The following TTC28 variants were observed in gnomAD, a reference collection of about 807,000 sequenced individuals.
TTC28 encodes tetratricopeptide repeat protein 28.
Under a neutral mutation model 198.0 loss-of-function variants are expected in TTC28, and 61 were observed. That is an observed-to-expected ratio of 0.31 (90% confidence interval 0.25 to 0.38). TTC28 has a LOEUF of 0.38. Among genes scored for constraint, TTC28 ranks in the 10% least tolerant of loss-of-function variants. The probability of loss-of-function intolerance (pLI) is 1.00; values close to 1 mark genes in which losing one functional copy is unlikely to be tolerated. For synonymous variants in TTC28, 1,171 were observed against 1,297.8 expected, an observed-to-expected ratio of 0.90 and a Z score of 2.10; for missense variants, 2,678 against 3,164.0, an observed-to-expected ratio of 0.85 and a Z score of 3.69.
chr22:28,042,212 C>G (rs906341395), intron 12 of TTC28, among the ~76,000 whole-genome samples: 4 of 150,936 alleles, frequency 2.7e-5, no homozygotes, highest in African/African-American at 9.9e-5. Context: ...CCGTTTGACC[C>G]AGCCATCCCA....
At chr22:28,098,303 TAGTC>T (rs1032184087) in intron 10 of TTC28, among the ~76,000 whole-genome samples, 2 of 152,166 alleles carry the variant, frequency 1.3e-5, no homozygotes, top group South Asian at 2.1e-4. Context: ...TACTTCCTCT[TAGTC>T]AGATGCTTGA....
At chr22:28,400,959 C>A (rs546064323) in intron 2 of TTC28, among the ~76,000 whole-genome samples, 2 of 152,216 alleles carry the variant, frequency 1.3e-5, no homozygotes, top group African/African-American at 4.8e-5. Context: ...TCACTGAATA[C>A]TAAAAAGGCA....
At chr22:28,485,627 G>GA (rs1323025730) in intron 2 of TTC28, among the ~76,000 whole-genome samples, 2 of 151,982 alleles carry the variant, frequency 1.3e-5, no homozygotes, top group Non-Finnish European at 2.9e-5. Flanking sequence ...GTGGGGTGGG[G>GA]AAAAAATGTT....
chr22:28,618,389 TG>T (rs2050935948), intron 2 of TTC28, among the ~76,000 whole-genome samples: 2 of 151,558 alleles, frequency 1.3e-5, no homozygotes, highest in Admixed American at 1.3e-4. Context: ...TACATCTAAA[TG>T]AAAAAACCAG....
rs568349573 is a variant in TTC28, at chr22:28,508,704, C to T, written c.381+120848G>A. Reference sequence around the variant, plus strand: ...TATCCTAAATACATATGCACCAATACAGGAGTATCCAGATTCATAAAGCAA... The same window carrying T: ...TATCCTAAATACATATGCACCAATATAGGAGTATCCAGATTCATAAAGCAA... On this transcript the variant is annotated intron_variant, in intron 2 of 22. Coordinates refer to ENST00000397906, the MANE Select transcript of TTC28 (RefSeq NM_001145418.2). Among the ~76,000 whole-genome samples, 10 of 152,332 alleles carry T rather than the reference C, an allele frequency of 6.6e-5. No homozygotes were observed. In the South Asian group the frequency reaches 1.7e-3, roughly 25 times the overall value.
intron 12 of TTC28, among the ~76,000 whole-genome samples, chr22:28,069,993 T>C (rs1007332265): frequency 7.3e-5 from 11 of 151,550 alleles, no homozygotes; most frequent in Non-Finnish European, 1.6e-4. Context: ...TTTTCCATTG[T>C]ACTCTGGTAT....
At chr22:28,357,989 G>A (rs2046103964) in intron 2 of TTC28, among the ~76,000 whole-genome samples, 2 of 152,132 alleles carry the variant, frequency 1.3e-5, no homozygotes, top group South Asian at 4.1e-4. Context: ...CAAAGAGGGA[G>A]CTATTTTCTT....
At chr22:28,239,916 T>G (rs568542099) in intron 5 of TTC28, among the ~76,000 whole-genome samples, 1 of 152,330 alleles carries the variant, frequency 6.6e-6, no homozygotes, top group South Asian at 2.1e-4. Flanking sequence ...CATCTCTCAT[T>G]GCTTCTAGAC....
At chr22:28,324,381 AT>A (rs1480689996) in intron 2 of TTC28, among the ~76,000 whole-genome samples, 3 of 152,018 alleles carry the variant, frequency 2.0e-5, no homozygotes, top group Non-Finnish European at 4.4e-5. Flanking sequence ...TCCCTAACTC[AT>A]TTTATGAGGC....
intron 2 of TTC28, among the ~76,000 whole-genome samples, chr22:28,434,631 T>A (rs1324219035): frequency 6.6e-6 from 1 of 152,160 alleles, no homozygotes; most frequent in Non-Finnish European, 1.5e-5. Flanking sequence ...ACTGTGACAT[T>A]TTCTCTTCAA....
intron 2 of TTC28, among the ~76,000 whole-genome samples, chr22:28,335,413 G>C (rs555966261): frequency 3.3e-5 from 5 of 152,144 alleles, no homozygotes; most frequent in Admixed American, 1.3e-4. Flanking sequence ...TAGCTTGATG[G>C]GGATGGCATT....
intron 12 of TTC28, among the ~76,000 whole-genome samples, chr22:28,049,474 T>A (rs921369257): frequency 6.6e-6 from 1 of 152,134 alleles, no homozygotes; most frequent in African/African-American, 2.4e-5. Context: ...GAATTTAAAA[T>A]TTTTTAAATT....
chr22:28,489,286 A>T (rs1454663016), intron 2 of TTC28, among the ~76,000 whole-genome samples: 1 of 96,482 alleles, frequency 1.0e-5, no homozygotes, highest in Non-Finnish European at 2.1e-5. Context: ...CCTATCTCTA[A>T]AAAACAAATT....
chr22:28,308,772 T>G (rs2045195537), intron 2 of TTC28, among the ~76,000 whole-genome samples: 1 of 152,162 alleles, frequency 6.6e-6, no homozygotes, highest in South Asian at 2.1e-4. Context: ...CAAGAAAAGA[T>G]TTTAAAAAGT....
At chr22:28,059,773 T>C (rs1355554100) in intron 12 of TTC28, among the ~76,000 whole-genome samples, 2 of 151,982 alleles carry the variant, frequency 1.3e-5, no homozygotes, top group South Asian at 2.1e-4. Context: ...TCTTGGTAAA[T>C]TGATTCTTTT....
intron 5 of TTC28, among the ~76,000 whole-genome samples, chr22:28,215,281 T>TAATA (rs974486937): frequency 7.2e-5 from 11 of 152,154 alleles, no homozygotes; most frequent in East Asian, 3.8e-4. Context: ...TAAAGTATAA[T>TAATA]AATAAATAAA....
intron 2 of TTC28, among the ~76,000 whole-genome samples, chr22:28,411,684 G>A (rs2047083920): frequency 6.6e-6 from 1 of 152,200 alleles, no homozygotes; most frequent in Non-Finnish European, 1.5e-5. Flanking sequence ...GATCTCTGTG[G>A]TTGCATAGGC....
intron 2 of TTC28, among the ~76,000 whole-genome samples, chr22:28,581,096 C>T (rs562653476): frequency 2.0e-5 from 3 of 152,254 alleles, no homozygotes; most frequent in South Asian, 2.1e-4. Context: ...GTTAAGAGGA[C>T]GGTCCTCATG....
chr22:28,616,928 G>A lies in TTC28; in HGVS notation c.381+12624C>T, dbSNP rs553163311. ...GCTTTAAATCCATGCAGAAAGAGGA[G>A]GTATTTTATCATGTACTTTAAAATT... is the stretch of plus-strand genomic sequence containing the variant. On this transcript the variant is annotated intron_variant, in intron 2 of 22. Coordinates refer to ENST00000397906, the MANE Select transcript of TTC28 (RefSeq NM_001145418.2). Among the ~76,000 whole-genome samples the A allele has an allele frequency of 3.4e-3, 521 of 151,882 alleles. 1 individual carries two copies. The highest frequency in any genetic ancestry group is 6.7e-3 in the Admixed American group (103 of 15,270).
Sources: allele counts gnomAD v4.1 joint callset (sites outside exome capture counted in the v4.1 genomes callset), GRCh38; gene constraint gnomAD v4.1.1; transcripts MANE v1.5; gene names NCBI Gene and HGNC (gene_info 2026-07-23, HGNC 2026-07-21).